Variants in HPSE2 observed in about 807,000 individuals in gnomAD.
HPSE2 encodes heparanase 2 (inactive).
HPSE2 carries 38 observed loss-of-function variants against 60.5 expected under a neutral mutation model. That is an observed-to-expected ratio of 0.63 (90% CI 0.48 to 0.82). The LOEUF (loss-of-function observed/expected upper bound fraction) is 0.82, where lower values mean the gene tolerates loss of function less well. Ranked by LOEUF, HPSE2 falls within the 40% of genes least tolerant of loss-of-function variation. The probability of loss-of-function intolerance (pLI) is 0.00; values close to 1 mark genes in which losing one functional copy is unlikely to be tolerated. For synonymous variants in HPSE2, 295 were observed against 293.2 expected (o/e 1.01, Z -0.06); for missense variants, 713 against 740.4 (o/e 0.96, Z 0.43).
intron 2 of HPSE2, among the ~76,000 whole-genome samples, chr10:99,167,186 T>C (rs2133790392): frequency 6.6e-6 from 1 of 152,166 alleles, no homozygotes; most frequent in South Asian, 2.1e-4. Flanking sequence ...AATTTTTGTA[T>C]TTTTAGCAGA....
intron 7 of HPSE2, among the ~76,000 whole-genome samples, chr10:98,627,990 T>A (rs1946261624): frequency 6.6e-6 from 1 of 152,168 alleles, no homozygotes; most frequent in Admixed American, 6.5e-5. Context: ...AGCACAGGGG[T>A]AATTCCTGTC....
intron 3 of HPSE2, among the ~76,000 whole-genome samples, chr10:98,936,741 G>A (rs1954803661): frequency 7.0e-6 from 1 of 142,692 alleles, no homozygotes; most frequent in Non-Finnish European, 1.5e-5. Context: ...AGCACTTTGG[G>A]AGGCCGAGGT....
At chr10:98,899,519 T>C (rs1953599890) in intron 3 of HPSE2, among the ~76,000 whole-genome samples, 1 of 152,096 alleles carries the variant, frequency 6.6e-6, no homozygotes, top group Non-Finnish European at 1.5e-5. Flanking sequence ...GAACCTATAC[T>C]TCACCAAAGG....
At chr10:98,513,845 T>C (rs1189436228) in intron 9 of HPSE2, among the ~76,000 whole-genome samples, 1 of 152,186 alleles carries the variant, frequency 6.6e-6, no homozygotes, top group Non-Finnish European at 1.5e-5. Context: ...AAAAGTTTGG[T>C]GGTTCCTCAA....
At chr10:99,269,463 A>G in the HPSE2 span, among the ~76,000 whole-genome samples, 1 of 152,188 alleles carries the variant, frequency 6.6e-6, no homozygotes, top group Non-Finnish European at 1.5e-5. Context: ...ACAGCAATTA[A>G]TACTAGACCT....
chr10:99,072,927 C>CAAAAAAAAAAAAAAAAAAAAAA (rs770699941), intron 3 of HPSE2, among the ~76,000 whole-genome samples: 1 of 88,060 alleles, frequency 1.1e-5, no homozygotes. Context: ...GGCTCCGTCT[C>CAAAAAAAAAAAAAAAAAAAAAA]AAAAAAAAAA....
At chr10:99,027,676 TACC>T (rs35049969) in intron 3 of HPSE2, among the ~76,000 whole-genome samples, 132,152 of 139,302 alleles carry the variant, frequency 0.95, 62,944 homozygotes, top group Non-Finnish European at 0.99. Context: ...CCACCACCAC[TACC>T]ACCACCACCA....
At chr10:98,691,866 A>G (rs190442936) in intron 6 of HPSE2, among the ~76,000 whole-genome samples, 1 of 152,350 alleles carries the variant, frequency 6.6e-6, no homozygotes, top group Non-Finnish European at 1.5e-5. Flanking sequence ...ACAATAAGGC[A>G]TATAAAGTTT....
intron 9 of HPSE2, among the ~76,000 whole-genome samples, chr10:98,499,821 G>A (rs1380937469): frequency 6.6e-6 from 1 of 152,126 alleles, no homozygotes; most frequent in Non-Finnish European, 1.5e-5. Flanking sequence ...TAAAGGGGTG[G>A]AAAAAGGCAT....
At chr10:99,298,665 T>C in the HPSE2 span, among the ~76,000 whole-genome samples, 4 of 131,558 alleles carry the variant, frequency 3.0e-5, no homozygotes, top group Admixed American at 2.5e-4. Context: ...TCCCTATGTA[T>C]AGGCTTTTTT....
At chr10:99,280,856 T>G in the HPSE2 span, among the ~76,000 whole-genome samples, 1 of 152,312 alleles carries the variant, frequency 6.6e-6, no homozygotes, top group Non-Finnish European at 1.5e-5. Flanking sequence ...GCTACTTTTT[T>G]TATTCACTCA....
intron 9 of HPSE2, among the ~76,000 whole-genome samples, chr10:98,548,591 T>A (rs1471352): frequency 6.7e-6 from 1 of 150,114 alleles, no homozygotes; most frequent in Non-Finnish European, 1.5e-5. Flanking sequence ...TACTCTAGCC[T>A]GGGCAACAGA....
At chr10:98,852,781 A>G (rs1952213252) in intron 3 of HPSE2, among the ~76,000 whole-genome samples, 1 of 152,192 alleles carries the variant, frequency 6.6e-6, no homozygotes. Flanking sequence ...TTTTCTACAC[A>G]CCTTGTAGCC....
intron 3 of HPSE2, among the ~76,000 whole-genome samples, chr10:99,103,269 A>T (rs1325749285): frequency 1.3e-5 from 2 of 152,236 alleles, no homozygotes; most frequent in Non-Finnish European, 2.9e-5. Context: ...TAAGCTGATA[A>T]GCAACTTCAG....
At chr10:99,013,128 C>T (rs1184350841) in intron 3 of HPSE2, 3 of 667,170 alleles carry the variant, frequency 4.5e-6, no homozygotes, top group Non-Finnish European at 8.5e-6. Flanking sequence ...TGACATTAAC[C>T]ATTCAAGTCC....
At chr10:99,247,914 T>C in the HPSE2 span, among the ~76,000 whole-genome samples, 2 of 152,232 alleles carry the variant, frequency 1.3e-5, no homozygotes, top group African/African-American at 4.8e-5. Flanking sequence ...ATGTAAGACA[T>C]GCCTACTTCC....
intron 3 of HPSE2, among the ~76,000 whole-genome samples, chr10:98,948,226 T>A (rs1955247420): frequency 6.6e-6 from 1 of 152,158 alleles, no homozygotes; most frequent in Non-Finnish European, 1.5e-5. Flanking sequence ...TGTGCCCAGA[T>A]TTTGTGCATG....
intron 3 of HPSE2, among the ~76,000 whole-genome samples, chr10:98,986,103 A>G (rs1176844523): frequency 2.0e-5 from 3 of 152,090 alleles, no homozygotes; most frequent in Non-Finnish European, 2.9e-5. Context: ...AGTTAACAAG[A>G]ATATCCAGGA....
the HPSE2 span, among the ~76,000 whole-genome samples, chr10:99,272,068 C>T: frequency 5.3e-5 from 8 of 152,030 alleles, no homozygotes; most frequent in African/African-American, 9.7e-5. Context: ...GTCAGGAGTT[C>T]GAGACCGGCC....
Sources: gnomAD v4.1 joint callset for allele counts (sites outside exome capture counted in the v4.1 genomes callset) on GRCh38, gnomAD v4.1.1 for gene constraint, MANE v1.5 for transcripts, NCBI Gene and HGNC (gene_info 2026-07-23, HGNC 2026-07-21) for gene names.